The following KCNN2 variants were observed in gnomAD, a reference collection of about 807,000 sequenced individuals.
KCNN2 encodes the protein small conductance calcium-activated potassium channel protein 2.
Under a neutral mutation model 55.5 loss-of-function variants are expected in KCNN2, and 24 were observed. That is an observed-to-expected ratio of 0.43 (90% confidence interval 0.31 to 0.61). The LOEUF (loss-of-function observed/expected upper bound fraction) is 0.61, where lower values mean the gene tolerates loss of function less well. Ranked by LOEUF, KCNN2 falls within the 20% of genes least tolerant of loss-of-function variation. The pLI is 0.08. For synonymous variants in KCNN2, 431 were observed against 336.1 expected (o/e 1.28, Z -3.09); for missense variants, 754 against 853.6 (o/e 0.88, Z 1.45).
rs1380971963 is a variant in KCNN2 at position 114,272,397 on chromosome 5, A to G, written c.-185+50832A>G. On this transcript the variant is annotated intron_variant, in intron 2 of 10. Coordinates refer to the KCNN2 transcript ENST00000512097. ...TATGTATGTACATATATACACACATATATGTATGTACATATCTACACACAT... is the reference window on the plus strand; with the variant it reads ...TATGTATGTACATATATACACACATGTATGTATGTACATATCTACACACAT... 1.2e-3 allele frequency among the ~76,000 whole-genome samples: 106 copies of G among 89,642 alleles called. 1 individual carries two copies. The highest frequency in any genetic ancestry group is 4.2e-3 in the African/African-American group (106 of 25,288). The allele number at this position is 89,642 out of a possible 152,430, so 58.8% of individuals were successfully genotyped here. A position where few individuals can be genotyped will look rare whatever the true frequency, so the allele number is the denominator to read the frequency against.
chr5:114,388,607 C>T (rs939864441), intron 2 of KCNN2, among the ~76,000 whole-genome samples: 1 of 152,036 alleles, frequency 6.6e-6, no homozygotes, highest in Non-Finnish European at 1.5e-5. Context: ...TTGTTTCTTT[C>T]TTTAGCTCCT....
intron 2 of KCNN2, among the ~76,000 whole-genome samples, chr5:114,317,126 A>C (rs1040320559): frequency 7.9e-5 from 12 of 151,864 alleles, no homozygotes; most frequent in Admixed American, 6.6e-4. Context: ...CTATGCTATT[A>C]CTATAACTTT....
At chr5:114,212,386 G>C (rs1753906522) in intron 1 of KCNN2, among the ~76,000 whole-genome samples, 1 of 151,956 alleles carries the variant, frequency 6.6e-6, no homozygotes, top group African/African-American at 2.4e-5. Flanking sequence ...CCTAGGGGTT[G>C]GGTGGAAATG....
At chr5:114,418,953 C>G (rs1759388820) in intron 3 of KCNN2, among the ~76,000 whole-genome samples, 1 of 152,202 alleles carries the variant, frequency 6.6e-6, no homozygotes, top group Non-Finnish European at 1.5e-5. Flanking sequence ...ACAAGCATAT[C>G]TTCAAGTAAT....
At chr5:114,308,011 A>G (rs1422980614) in intron 2 of KCNN2, among the ~76,000 whole-genome samples, 1 of 152,104 alleles carries the variant, frequency 6.6e-6, no homozygotes, top group Non-Finnish European at 1.5e-5. Flanking sequence ...ACATACACAT[A>G]TATATGTATA....
At chr5:114,096,483 T>C (rs1028248331) in intron 1 of KCNN2, among the ~76,000 whole-genome samples, 1 of 152,154 alleles carries the variant, frequency 6.6e-6, no homozygotes, top group African/African-American at 2.4e-5. Context: ...CCAAGCTATA[T>C]ACTCATGACC....
At chr5:114,470,060 C>T (rs946829980) in intron 4 of KCNN2, among the ~76,000 whole-genome samples, 3 of 152,104 alleles carry the variant, frequency 2.0e-5, no homozygotes. Context: ...CACTTTGCAA[C>T]AGAGGTACTC....
rs1267538387 is a variant in KCNN2, at chr5:114,244,553, C to T, written c.-185+22988C>T. Reference sequence around the variant, plus strand: ...CGGAGGTTACAGCGAGCCGAGATCGCGCCATTGCACTCCAGCCTGGGCAAT... The same window carrying T: ...CGGAGGTTACAGCGAGCCGAGATCGTGCCATTGCACTCCAGCCTGGGCAAT... On this transcript the variant is annotated intron_variant, in intron 2 of 10. Transcript: ENST00000512097. 2.6e-5 allele frequency among the ~76,000 whole-genome samples: 4 copies of T among 151,206 alleles called. No individual in the cohort carries two copies. In the South Asian group the frequency reaches 6.3e-4, roughly 24 times the overall value.
chr5:114,447,953 G>A (rs1434436396), intron 3 of KCNN2, among the ~76,000 whole-genome samples: 3 of 151,836 alleles, frequency 2.0e-5, no homozygotes, highest in Non-Finnish European at 4.4e-5. Context: ...TTTTTTTCTG[G>A]ATTAGTTGGA....
At chr5:114,432,862 G>C (rs1242640787) in intron 3 of KCNN2, among the ~76,000 whole-genome samples, 3 of 152,232 alleles carry the variant, frequency 2.0e-5, no homozygotes, top group Non-Finnish European at 4.4e-5. Context: ...TCCCCCAGCA[G>C]TGCCAGCTCA....
chr5:114,208,517 T>G (rs1753817319), intron 1 of KCNN2, among the ~76,000 whole-genome samples: 1 of 152,178 alleles, frequency 6.6e-6, no homozygotes, highest in Admixed American at 6.5e-5. Flanking sequence ...TATCAACCCA[T>G]CTGTCTTTAG....
At chr5:114,395,165 T>G (rs1052280248) in intron 2 of KCNN2, among the ~76,000 whole-genome samples, 1 of 152,160 alleles carries the variant, frequency 6.6e-6, no homozygotes, top group Non-Finnish European at 1.5e-5. Flanking sequence ...GCAGCCGAGC[T>G]CCTTCTGGTG....
chr5:114,097,460 C>T (rs1015582015), intron 1 of KCNN2, among the ~76,000 whole-genome samples: 8 of 152,128 alleles, frequency 5.3e-5, no homozygotes, highest in African/African-American at 1.9e-4. Context: ...TTCATTCCTA[C>T]CTCATGGATT....
intron 2 of KCNN2, among the ~76,000 whole-genome samples, chr5:114,275,588 C>G (rs1755469151): frequency 6.6e-6 from 1 of 152,064 alleles, no homozygotes; most frequent in Non-Finnish European, 1.5e-5. Context: ...AGGAATTTAT[C>G]CATTTCTTCC....
chr5:114,200,992 A>T (rs958149678), intron 1 of KCNN2, among the ~76,000 whole-genome samples: 2 of 151,584 alleles, frequency 1.3e-5, no homozygotes, highest in African/African-American at 4.9e-5. Flanking sequence ...CTAATTCCTG[A>T]CCCTCCAGGT....
intron 5 of KCNN2, among the ~76,000 whole-genome samples, chr5:114,480,449 T>C (rs1311734761): frequency 1.3e-5 from 2 of 152,150 alleles, no homozygotes; most frequent in African/African-American, 4.8e-5. Context: ...GCTGGTGCCA[T>C]TTCTACAGAA....
At chr5:114,212,606 T>C (rs1753910942) in intron 1 of KCNN2, among the ~76,000 whole-genome samples, 2 of 150,558 alleles carry the variant, frequency 1.3e-5, no homozygotes. Flanking sequence ...CTGCCTAAAC[T>C]TCAAGTCTAA....
Position 114,158,968 on chromosome 5 carries a change from C to A in KCNN2, c.-270-62512C>A, listed in dbSNP as rs1394550639. ...CTGCAAACAGGGACAATTTGACTTC[C>A]TCTTTTCCTAATTGAATACCCTTTA... On this transcript the variant is annotated intron_variant, in intron 1 of 10. Coordinates refer to the KCNN2 transcript ENST00000512097. Among the ~76,000 whole-genome samples, 4 of 152,162 alleles carry A rather than the reference C, an allele frequency of 2.6e-5. No homozygotes were observed. The East Asian group carries it at 5.8e-4, about 22-fold the overall frequency.
intron 3 of KCNN2, among the ~76,000 whole-genome samples, chr5:114,429,818 C>CTTTTTT (rs61595962): frequency 1.4e-5 from 1 of 71,240 alleles, no homozygotes; most frequent in African/African-American, 5.5e-5. Context: ...TATATAGATG[C>CTTTTTT]TTTTTTTTTT....
Sources: gnomAD v4.1 joint callset for allele counts (sites outside exome capture counted in the v4.1 genomes callset) on GRCh38, gnomAD v4.1.1 for gene constraint, MANE v1.5 for transcripts, NCBI Gene and HGNC (gene_info 2026-07-23, HGNC 2026-07-21) for gene names.